The following NUDT18 variants were observed in gnomAD, a reference collection of about 807,000 sequenced individuals.
NUDT18 encodes 8-oxo-dGDP phosphatase NUDT18.
Under a neutral mutation model 27.6 loss-of-function variants are expected in NUDT18, and 26 were observed. The observed-to-expected ratio is 0.94, with a 90% CI of 0.69 to 1.31. The LOEUF (loss-of-function observed/expected upper bound fraction) is 1.31. Ranked by LOEUF, NUDT18 falls within the 50% of genes most tolerant of loss-of-function variation. NUDT18 has a pLI of 0.00. For synonymous variants in NUDT18, 220 were observed against 196.9 expected (o/e 1.12, Z -0.98); for missense variants, 450 against 433.4 (o/e 1.04, Z -0.34).
In NUDT18 at chr8:22,107,711, C is replaced by T. The variant is rs764043318; in HGVS notation, c.561G>A (p.Leu187=). The T allele has an allele frequency of 2.5e-6, 4 of 1,613,374 alleles. No homozygotes were observed. The highest frequency in any genetic ancestry group is 3.4e-6 in the Non-Finnish European group (4 of 1,179,698). ...AGGTAGCCACGAGCCGCTGGCAGAC[C>T]AGATCACAGGGTAGCTCTTGGGGCA... ...LILPQELPCD[L]VCQRLVATFT... Residue 187 remains leucine (L), a synonymous_variant, in exon 3 of 3, where the codon CTG becomes CTA. Transcript: ENST00000611621.
Position 22,109,211 on chromosome 8 carries a change from C to G in NUDT18, c.90G>C (p.Gly30=). 6.9e-7 allele frequency: 1 copy of G among 1,443,336 alleles called. No individual in the cohort carries two copies. Among genetic ancestry groups the G allele is most frequent in the South Asian group, 1.4e-5 (1 of 73,468 alleles). The allele number at this position is 1,443,336 out of a possible 1,614,324, so 89.4% of individuals were successfully genotyped here. A position where few individuals can be genotyped will look rare whatever the true frequency, so the allele number is the denominator to read the frequency against. The change falls in exon 1 of 3, where the codon GGG becomes GGC. Residue 30 remains glycine (G), a synonymous_variant. Transcript: ENST00000611621. Reference sequence around the variant, plus strand: ...GCAGCCGCACGGGCGCCGGCGGCTCCCCGGCCGGCGCCGAGTCGCAGCTGT... The same window carrying G: ...GCAGCCGCACGGGCGCCGGCGGCTCGCCGGCCGGCGCCGAGTCGCAGCTGT... ...SVHSCDSAPA[G]EPPAPVRLRK...
At position 22,109,204 on chromosome 8, in the gene NUDT18, G is replaced by A. The variant is rs1360904171; in HGVS notation, c.97C>T (p.Pro33Ser). 4.1e-5 allele frequency: 59 copies of A among 1,445,530 alleles called. No homozygotes were observed. Among genetic ancestry groups the A allele is most frequent in the Admixed American group, 5.8e-5 (2 of 34,624 alleles). The allele number at this position is 1,445,530 out of a possible 1,614,324, so 89.5% of individuals were successfully genotyped here. A position where few individuals can be genotyped will look rare whatever the true frequency, so the allele number is the denominator to read the frequency against. Residue 33 changes from proline to serine, a missense_variant, in exon 1 of 3, where the codon CCG (proline) becomes TCG (serine). Transcript: ENST00000611621. ...SCDSAPAGEP[P>S]APVRLRKNVC... ...TTCTTCCGCAGCCGCACGGGCGCCG[G>A]CGGCTCCCCGGCCGGCGCCGAGTCG... is the stretch of plus-strand genomic sequence containing the variant.
chr8:22,108,026 G>A, intron 2 of NUDT18, 107 bp downstream of exon 2: 1 of 1,363,774 alleles, frequency 7.3e-7, no homozygotes, highest in Non-Finnish European at 9.8e-7. Context: ...CCCATGCCAG[G>A]CTGTGCCAGC....
At position 22,109,182 on chromosome 8, in the gene NUDT18, T is replaced by C; in HGVS notation, c.119A>G (p.Lys40Arg). The C allele has an allele frequency of 6.9e-7, 1 of 1,453,922 alleles. No homozygotes were observed. The highest frequency in any genetic ancestry group is 9.0e-7 in the Non-Finnish European group (1 of 1,112,748). The allele number at this position is 1,453,922 out of a possible 1,614,324, so 90.1% of individuals were successfully genotyped here. A position where few individuals can be genotyped will look rare whatever the true frequency, so the allele number is the denominator to read the frequency against. Residue 40 changes from lysine (K) to arginine (R), a missense_variant, in exon 1 of 3, where the codon AAG becomes AGG. By Grantham distance (26) the Lys-to-Arg change is conservative. Transcript: ENST00000611621. ...GGCCAGCACCACGTAGCACACGTTC[T>C]TCCGCAGCCGCACGGGCGCCGGCGG... is the stretch of plus-strand genomic sequence containing the variant. ...GEPPAPVRLRKNVCYVVLAVF... is the reference protein window; with the variant it reads ...GEPPAPVRLRRNVCYVVLAVF...
intron 2 of NUDT18, 99 bp from the exon 3 acceptor site, chr8:22,107,994 C>G: frequency 1.5e-6 from 2 of 1,362,520 alleles, no homozygotes; most frequent in South Asian, 3.0e-5. Flanking sequence ...AGAGAGGCCC[C>G]CAGCCCAAAG....
At chr8:22,109,080 C>A in intron 1 of NUDT18, 59 bp downstream of exon 1, 1 of 1,301,868 alleles carries the variant, frequency 7.7e-7, no homozygotes. Flanking sequence ...GGTCTTCTGT[C>A]CCCACCTGGG....
Position 22,108,256 on chromosome 8 carries a change from C to T in NUDT18, c.253G>A (p.Val85Met). The change falls in exon 2 of 3, where the codon GTG (valine) becomes ATG (methionine). Residue 85 changes from valine (V) to methionine (M), a missense_variant. Physicochemically the swap from Val to Met is conservative, Grantham distance 21. Transcript: ENST00000611621. The part of the protein sequence containing the change: ...AGRMEPGETI[V>M]EALQREVKEE... ...TTCACCTCCCGCTGCAGCGCCTCCA[C>T]GATGGTCTCCCCTGGCTCCATTCTC... 1.3e-6 allele frequency: 2 copies of T among 1,597,380 alleles called. No homozygotes were observed. Among genetic ancestry groups the T allele is most frequent in the Non-Finnish European group, 1.7e-6 (2 of 1,172,632 alleles).
Position 22,109,397 on chromosome 8 carries a change from G to GAGACCGCTCCCAGTCCCTGCGGAGA in NUDT18, c.-98_-97insTCTCCGCAGGGACTGGGAGCGGTCT. The GAGACCGCTCCCAGTCCCTGCGGAGA allele has an allele frequency of 3.0e-5, 35 of 1,170,368 alleles. No homozygotes were observed. The highest frequency in any genetic ancestry group is 3.8e-5 in the Non-Finnish European group (34 of 902,214). 72.5% of individuals were successfully genotyped at this position (1,170,368 alleles called of 1,614,324 possible). On this transcript the variant is annotated 5_prime_UTR_variant, in exon 1 of 3. Transcript: ENST00000611621. ...GCGGAGCCCGCTCCCAGTCCCTGCG[G>GAGACCGCTCCCAGTCCCTGCGGAGA]CAGCGGGCCGGGAGCTCACGAGAAC...
chr8:22,109,369 G>GCTGCGGAGCCCGCACCCAGTCC lies in NUDT18; in HGVS notation c.-70_-69insGGACTGGGTGCGGGCTCCGCAG. On this transcript the variant is annotated 5_prime_UTR_variant, in exon 1 of 3. Transcript: ENST00000611621. Reference sequence around the variant, plus strand: ...TGAGCCGAGCCGCGGGCTAGAGTGCGCTGCGGAGCCCGCTCCCAGTCCCTG... The same window carrying GCTGCGGAGCCCGCACCCAGTCC: ...TGAGCCGAGCCGCGGGCTAGAGTGCGCTGCGGAGCCCGCACCCAGTCCCTGCGGAGCCCGCTCCCAGTCCCTG... 1.4e-6 allele frequency: 1 copy of GCTGCGGAGCCCGCACCCAGTCC among 712,746 alleles called. No homozygotes were observed. Among genetic ancestry groups the GCTGCGGAGCCCGCACCCAGTCC allele is most frequent in the Non-Finnish European group, 1.8e-6 (1 of 557,186 alleles). 44.2% of individuals were successfully genotyped at this position (712,746 alleles called of 1,614,324 possible).
rs755330886 is a variant in NUDT18 at position 22,107,284 on chromosome 8, C to T, written c.*16G>A. 4 of 1,556,692 alleles carry T rather than the reference C, an allele frequency of 2.6e-6. No homozygotes were observed. The highest frequency in any genetic ancestry group is 1.9e-5 in the Admixed American group (1 of 53,664). On this transcript the variant is annotated 3_prime_UTR_variant, in exon 3 of 3. Coordinates refer to ENST00000611621, the MANE Select transcript of NUDT18 (RefSeq NM_024815.4). ...GGAGCACGGCTGCCTAGCTCCCTGTCACCTCCCCCACCTCTCTATCTGTTC... is the reference window on the plus strand; with the variant it reads ...GGAGCACGGCTGCCTAGCTCCCTGTTACCTCCCCCACCTCTCTATCTGTTC...
At chr8:22,109,441 G>C, upstream of NUDT18, 1 of 716,360 alleles carries the variant, frequency 1.4e-6, no homozygotes, top group Non-Finnish European at 2.1e-6. Context: ...GCACGCGAAC[G>C]CGGAAGCGCA....
intron 2 of NUDT18, 50 bp from the exon 3 acceptor site, chr8:22,107,945 T>C: frequency 6.8e-7 from 1 of 1,462,204 alleles, no homozygotes; most frequent in Non-Finnish European, 9.2e-7. Flanking sequence ...TGGAGAGAAG[T>C]GCAGCTCTGG....
In NUDT18 at chr8:22,107,603, A is replaced by G; in HGVS notation, c.669T>C (p.Pro223=). ...HLPVTACGLD[P]MEQRGGMKMA... ...TCTTCATGCCACCCCTCTGCTCCAT[A>G]GGGTCGAGGCCACAGGCAGTGACAG... Residue 223 remains proline (P), a synonymous_variant, in exon 3 of 3, where the codon CCT becomes CCC. Transcript: ENST00000611621. 3 of 1,613,108 alleles carry G rather than the reference A, an allele frequency of 1.9e-6. No individual in the cohort carries two copies. Among genetic ancestry groups the G allele is most frequent in the Non-Finnish European group, 2.5e-6 (3 of 1,179,826 alleles).
chr8:22,108,391 G>A (rs1230014320), intron 1 of NUDT18, 45 bp from the exon 2 acceptor site: 11 of 1,506,480 alleles, frequency 7.3e-6, no homozygotes, highest in Non-Finnish European at 9.9e-6. Flanking sequence ...GCCTTCCCTC[G>A]CCCCGGGACC....
chr8:22,107,181 G>A lies in NUDT18; in HGVS notation c.*119C>T, dbSNP rs369822329. 229 of 729,602 alleles carry A rather than the reference G, an allele frequency of 3.1e-4. No individual in the cohort carries two copies. The East Asian group carries it at 4.4e-3, about 14-fold the overall frequency. The allele number at this position is 729,602 out of a possible 1,614,324, so 45.2% of individuals were successfully genotyped here. A position where few individuals can be genotyped will look rare whatever the true frequency, so the allele number is the denominator to read the frequency against. On this transcript the variant is annotated 3_prime_UTR_variant, in exon 3 of 3. Coordinates refer to ENST00000611621, the MANE Select transcript of NUDT18 (RefSeq NM_024815.4). Reference sequence around the variant, plus strand: ...ATCTCTCCTGGGGACCAGGAGAGCCGCCCCTGCTCCCAATGCAACAAGATC... The same window carrying A: ...ATCTCTCCTGGGGACCAGGAGAGCCACCCCTGCTCCCAATGCAACAAGATC...
Position 22,107,226 on chromosome 8 carries a change from C to A in NUDT18, c.*74G>T, listed in dbSNP as rs559502531. 4 of 1,158,238 alleles carry A rather than the reference C, an allele frequency of 3.5e-6. No homozygotes were observed. 71.7% of individuals were successfully genotyped at this position (1,158,238 alleles called of 1,614,324 possible). A position where few individuals can be genotyped will look rare whatever the true frequency, so the allele number is the denominator to read the frequency against. ...AAGATCCCTGATCGCCAGCCTCTTG[C>A]CTCCCTCAGAGGGAGACAAGTCCGC... On this transcript the variant is annotated 3_prime_UTR_variant, in exon 3 of 3. Coordinates refer to ENST00000611621, the MANE Select transcript of NUDT18 (RefSeq NM_024815.4).
intron 2 of NUDT18, 43 bp downstream of exon 2, chr8:22,108,090 G>A (rs1563610078): frequency 2.1e-6 from 3 of 1,449,834 alleles, no homozygotes; most frequent in African/African-American, 1.4e-5. Flanking sequence ...TGGGGGAAAG[G>A]TGTCAACTGG....
At chr8:22,109,040 C>G in intron 1 of NUDT18, 99 bp downstream of exon 1, 1 of 947,038 alleles carries the variant, frequency 1.1e-6, no homozygotes, top group Non-Finnish European at 1.4e-6. Context: ...GGAAGCGCCA[C>G]GCACGCGGCA....
In NUDT18 at chr8:22,109,310, CG is replaced by C. The variant is rs1172733907; in HGVS notation, c.-11del. On this transcript the variant is annotated 5_prime_UTR_variant, in exon 1 of 3. Transcript: ENST00000611621. ...GGCCCTCCGAGGCCATCGGGTCCCCCGGGGGGCGGCGGGCCGGATCCTCGCA... is the reference window on the plus strand; with the variant it reads ...GGCCCTCCGAGGCCATCGGGTCCCCCGGGGGCGGCGGGCCGGATCCTCGCA... The C allele has an allele frequency of 2.2e-6, 3 of 1,343,174 alleles. No individual in the cohort carries two copies. The highest frequency in any genetic ancestry group is 1.9e-5 in the South Asian group (1 of 52,404). The allele number at this position is 1,343,174 out of a possible 1,614,324, so 83.2% of individuals were successfully genotyped here.
Sources: gnomAD v4.1 joint callset for allele counts on GRCh38, gnomAD v4.1.1 for gene constraint, MANE v1.5 for transcripts, NCBI Gene and HGNC (gene_info 2026-07-23, HGNC 2026-07-21) for gene names.